GPC3: variants seen among roughly 807,000 people sequenced by gnomAD.
GPC3 encodes glypican 3.
In GPC3, 3 loss-of-function variants were observed where a neutral mutation model predicts 34.4. The ratio of observed to expected loss-of-function variants is 0.09; its 90% CI spans 0.04 to 0.23. The LOEUF is 0.23. Among genes scored for constraint, GPC3 ranks in the 10% least tolerant of loss-of-function variants. GPC3 has a pLI of 1.00. For synonymous variants in GPC3, 177 were observed against 174.0 expected, an observed-to-expected ratio of 1.02 and a Z score of -0.13; for missense variants, 351 against 445.6, an observed-to-expected ratio of 0.79 and a Z score of 1.91.
rs34231185 is a variant in GPC3, at chrX:133,823,128, C to CAA, written c.338-68954_338-68953dup. Among the ~76,000 whole-genome samples, 4 of 18,857 alleles carry CAA rather than the reference C, an allele frequency of 2.1e-4. 1 individual carries two copies. Among genetic ancestry groups the CAA allele is most frequent in the African/African-American group, 6.5e-4 (3 of 4,638 alleles). The allele number at this position is 18,857 out of a possible 115,157, so 16.4% of individuals were successfully genotyped here. On this transcript the variant is annotated intron_variant, in intron 2 of 7. Transcript: ENST00000370818. ...TGGGTGACAGAGCAAGACTCCGTCTCAAAAAAAAAAAAAAAAAAAAAAAAA... is the reference window on the plus strand; with the variant it reads ...TGGGTGACAGAGCAAGACTCCGTCTCAAAAAAAAAAAAAAAAAAAAAAAAAAA...
intron 3 of GPC3, among the ~76,000 whole-genome samples, chrX:133,744,651 C>A (rs1230306052): frequency 1.8e-5 from 2 of 112,287 alleles, no homozygotes; most frequent in Non-Finnish European, 3.8e-5. Flanking sequence ...ATCTAGCAAT[C>A]CCATTACTGG....
chrX:133,543,367 C>T (rs1351592354), intron 7 of GPC3, among the ~76,000 whole-genome samples: 1 of 112,187 alleles, frequency 8.9e-6, no homozygotes, highest in Non-Finnish European at 1.9e-5. Context: ...GATCTGCCCG[C>T]CTTGGCCTCC....
chrX:133,906,405 C>G (rs899938039), intron 2 of GPC3, among the ~76,000 whole-genome samples: 7 of 111,989 alleles, frequency 6.3e-5, no homozygotes, highest in Admixed American at 1.9e-4. Context: ...AAAAAGGCAA[C>G]TTGTAATTTT....
chrX:133,724,816 G>A (rs1211825154), intron 3 of GPC3, among the ~76,000 whole-genome samples: 1 of 112,334 alleles, frequency 8.9e-6, no homozygotes, highest in Non-Finnish European at 1.9e-5. Context: ...CTGCCATTTT[G>A]TTCCTGAAGA....
intron 3 of GPC3, among the ~76,000 whole-genome samples, chrX:133,752,010 C>T (rs2071672196): frequency 9.0e-6 from 1 of 110,966 alleles, no homozygotes; most frequent in African/African-American, 3.3e-5. Flanking sequence ...AGCATGCCAC[C>T]ATGCCTGGCT....
Position 133,536,004 on chromosome X carries a change from C to G in GPC3, c.*120G>C. 1 of 514,047 alleles carries G rather than the reference C, an allele frequency of 1.9e-6. No homozygotes were observed. The highest frequency in any genetic ancestry group is 3.3e-6 in the Non-Finnish European group (1 of 304,899). 42.4% of individuals were successfully genotyped at this position (514,047 alleles called of 1,213,427 possible). A position where few individuals can be genotyped will look rare whatever the true frequency, so the allele number is the denominator to read the frequency against. On this transcript the variant is annotated 3_prime_UTR_variant, in exon 8 of 8. Transcript: ENST00000370818. ...ACATGGTTAGTCCTCTACTTCATGG[C>G]TGGAGGAGGTATACAGGATAACAAA...
intron 3 of GPC3, among the ~76,000 whole-genome samples, chrX:133,718,609 T>C (rs2071335113): frequency 9.0e-6 from 1 of 111,249 alleles, no homozygotes; most frequent in Non-Finnish European, 1.9e-5. Context: ...CTCGTTTTAT[T>C]ACATTAAATA....
chrX:133,773,097 T>C (rs1421140809), intron 2 of GPC3, among the ~76,000 whole-genome samples: 1 of 111,040 alleles, frequency 9.0e-6, no homozygotes, highest in East Asian at 2.8e-4. Context: ...TCGCTCTTCT[T>C]GCCCAGGCTG....
intron 5 of GPC3, among the ~76,000 whole-genome samples, chrX:133,686,949 G>A (rs1156626183): frequency 1.9e-5 from 2 of 106,402 alleles, no homozygotes; most frequent in Non-Finnish European, 3.8e-5. Flanking sequence ...GGAGACGGAT[G>A]GACTCTCGCT....
chrX:133,706,727 A>G (rs2071222731), intron 3 of GPC3, among the ~76,000 whole-genome samples: 1 of 112,127 alleles, frequency 8.9e-6, no homozygotes, highest in Admixed American at 9.5e-5. Flanking sequence ...GGATGCAGAG[A>G]GAGGGGAACA....
chrX:133,664,012 T>C (rs181396230), intron 5 of GPC3, among the ~76,000 whole-genome samples: 2 of 112,009 alleles, frequency 1.8e-5, no homozygotes, highest in African/African-American at 6.5e-5. Context: ...TGTAAGCAAA[T>C]CTTTTTAACT....
intron 2 of GPC3, among the ~76,000 whole-genome samples, chrX:133,830,678 CAAA>C (rs1174232524): frequency 8.2e-4 from 11 of 13,439 alleles, no homozygotes; most frequent in African/African-American, 1.2e-3. Flanking sequence ...GACTCCATCT[CAAA>C]AAAAAAAAAA....
chrX:133,552,917 G>A (rs1221966616), intron 7 of GPC3, among the ~76,000 whole-genome samples: 1 of 111,584 alleles, frequency 9.0e-6, no homozygotes, highest in Non-Finnish European at 1.9e-5. Context: ...GCAAAAGGAG[G>A]CCAGGAAAAG....
intron 5 of GPC3, among the ~76,000 whole-genome samples, chrX:133,691,354 C>G (rs1335295716): frequency 9.1e-6 from 1 of 109,990 alleles, no homozygotes; most frequent in Non-Finnish European, 1.9e-5. Flanking sequence ...CAAAAGTTAG[C>G]CAGGCATGAT....
At chrX:133,545,972 T>A (rs2124269994) in intron 7 of GPC3, among the ~76,000 whole-genome samples, 1 of 109,934 alleles carries the variant, frequency 9.1e-6, no homozygotes, top group East Asian at 2.9e-4. Context: ...TGAGCGAGAC[T>A]CTGTCTCATA....
intron 7 of GPC3, among the ~76,000 whole-genome samples, chrX:133,539,542 A>G (rs922516542): frequency 8.9e-6 from 1 of 112,398 alleles, no homozygotes; most frequent in Non-Finnish European, 1.9e-5. Flanking sequence ...GAATTATCAT[A>G]TCAGTTCTAT....
intron 2 of GPC3, among the ~76,000 whole-genome samples, chrX:133,899,813 GT>G (rs2076136055): frequency 9.0e-6 from 1 of 111,420 alleles, no homozygotes; most frequent in African/African-American, 3.3e-5. Context: ...TAATTTGTTT[GT>G]TTTTTGAGAC....
intron 2 of GPC3, among the ~76,000 whole-genome samples, chrX:133,758,243 T>C (rs1264324567): frequency 4.5e-5 from 5 of 111,751 alleles, no homozygotes; most frequent in African/African-American, 1.6e-4. Context: ...TAAAGATACA[T>C]GCACATGTAT....
rs1425989531 is a variant in GPC3, at chrX:133,740,226, A to C, written c.1032+13256T>G. Among the ~76,000 whole-genome samples the C allele has an allele frequency of 7.1e-5, 8 of 112,113 alleles. No homozygotes were observed. The Admixed American group carries it at 7.6e-4, about 11-fold the overall frequency. ...TTTTAAATCAATGTATTACAGATTCAGGAGAAATGGTAGGGGAGGAAACAG... is the reference window on the plus strand; with the variant it reads ...TTTTAAATCAATGTATTACAGATTCCGGAGAAATGGTAGGGGAGGAAACAG... On this transcript the variant is annotated intron_variant, in intron 3 of 7. Coordinates refer to ENST00000370818, the MANE Select transcript of GPC3 (RefSeq NM_004484.4).
Sources: gnomAD v4.1 joint callset for allele counts (sites outside exome capture counted in the v4.1 genomes callset) on GRCh38, gnomAD v4.1.1 for gene constraint, MANE v1.5 for transcripts, NCBI Gene and HGNC (gene_info 2026-07-23, HGNC 2026-07-21) for gene names.